Variants in ANKFN1 observed in about 807,000 individuals in gnomAD.
ANKFN1 encodes the protein ankyrin repeat and fibronectin type III domain containing 1.
ANKFN1 carries 74 observed loss-of-function variants against 108.7 expected under a neutral mutation model. The observed-to-expected ratio is 0.68, with a 90% CI of 0.56 to 0.83. The LOEUF is 0.83. Ranked by LOEUF, ANKFN1 falls within the 40% of genes least tolerant of loss-of-function variation. The pLI, the probability that ANKFN1 is intolerant of heterozygous loss-of-function variation, is 0.00. For missense variants in ANKFN1, 1,505 were observed against 1,382.3 expected, an observed-to-expected ratio of 1.09 and a Z score of -1.41; for synonymous variants, 547 against 516.2, an observed-to-expected ratio of 1.06 and a Z score of -0.81.
Position 56,514,822 on chromosome 17 carries a change from G to C in ANKFN1, c.*3553G>C, listed in dbSNP as rs1409921598. On this transcript the variant is annotated 3_prime_UTR_variant, in exon 21 of 21. Transcript: ENST00000682825. ...TACTCCCCTAAAGAAACCTTGTCCA[G>C]GAGCCACCTGGCAAACACCTACTGT... Among the ~76,000 whole-genome samples, 1 of 152,104 alleles carries C rather than the reference G, an allele frequency of 6.6e-6. No homozygotes were observed. The highest frequency in any genetic ancestry group is 1.5e-5 in the Non-Finnish European group (1 of 68,022).
chr17:56,509,172 C>T (rs942480277), intron 20 of ANKFN1, among the ~76,000 whole-genome samples: 4 of 152,294 alleles, frequency 2.6e-5, no homozygotes, highest in African/African-American at 7.2e-5. Context: ...TTTATTTAAC[C>T]GTACTCCTAT....
chr17:56,194,268 A>G (rs1241707266), intron 1 of ANKFN1, among the ~76,000 whole-genome samples: 2 of 152,218 alleles, frequency 1.3e-5, no homozygotes, highest in African/African-American at 4.8e-5. Context: ...CTTGGTATTT[A>G]TCCTAAGGAG....
At chr17:56,205,822 C>G (rs1331632424) in intron 1 of ANKFN1, among the ~76,000 whole-genome samples, 1 of 151,722 alleles carries the variant, frequency 6.6e-6, no homozygotes, top group African/African-American at 2.4e-5. Context: ...TATTGTGCAT[C>G]AAATCTACAC....
intron 4 of ANKFN1, among the ~76,000 whole-genome samples, chr17:56,050,795 C>A (rs544395550): frequency 6.6e-6 from 1 of 152,152 alleles, no homozygotes; most frequent in Admixed American, 6.6e-5. Context: ...AACACCTCTA[C>A]GCAAATAAAC....
chr17:56,074,891 C>T (rs923595611), intron 4 of ANKFN1, among the ~76,000 whole-genome samples: 1 of 152,220 alleles, frequency 6.6e-6, no homozygotes, highest in African/African-American at 2.4e-5. Context: ...GAGCCAGCCA[C>T]AAAGGCTGTT....
chr17:56,101,943 G>GA (rs1391646471), intron 4 of ANKFN1, among the ~76,000 whole-genome samples: 1 of 152,124 alleles, frequency 6.6e-6, no homozygotes, highest in Non-Finnish European at 1.5e-5. Flanking sequence ...TCACAGTAAT[G>GA]TTTGAGAAGC....
At chr17:56,371,334 G>C (rs1220267554) in intron 6 of ANKFN1, among the ~76,000 whole-genome samples, 1 of 152,144 alleles carries the variant, frequency 6.6e-6, no homozygotes, top group East Asian at 1.9e-4. Context: ...AATAAATTTA[G>C]ACCGATGGTG....
intron 4 of ANKFN1, among the ~76,000 whole-genome samples, chr17:56,079,887 A>T (rs2143161135): frequency 6.6e-6 from 1 of 152,326 alleles, no homozygotes; most frequent in East Asian, 1.9e-4. Flanking sequence ...TACTCTCAAT[A>T]GGCTAAAAGA....
chr17:56,206,191 C>T (rs1914516866), intron 1 of ANKFN1, among the ~76,000 whole-genome samples: 1 of 151,942 alleles, frequency 6.6e-6, no homozygotes, highest in South Asian at 2.1e-4. Context: ...AGTGTATTTC[C>T]ATTTATAGTT....
intron 4 of ANKFN1, among the ~76,000 whole-genome samples, chr17:56,146,549 C>A (rs1908271709): frequency 6.6e-6 from 1 of 152,218 alleles, no homozygotes; most frequent in African/African-American, 2.4e-5. Flanking sequence ...GACTTTTATG[C>A]ACCCACAAAC....
At chr17:56,162,163 C>G (rs1267283281) in intron 1 of ANKFN1, among the ~76,000 whole-genome samples, 1 of 152,056 alleles carries the variant, frequency 6.6e-6, no homozygotes, top group Non-Finnish European at 1.5e-5. Context: ...GTAGTTCTCC[C>G]CTACCTAAAA....
At chr17:56,337,335 C>G (rs184113835) in intron 4 of ANKFN1, among the ~76,000 whole-genome samples, 8 of 152,120 alleles carry the variant, frequency 5.3e-5, no homozygotes, top group African/African-American at 1.7e-4. Context: ...AGTCTCCCAT[C>G]ATTATTGTGT....
At chr17:56,412,460 G>A (rs569751580) in intron 8 of ANKFN1, among the ~76,000 whole-genome samples, 1 of 152,310 alleles carries the variant, frequency 6.6e-6, no homozygotes, top group South Asian at 2.1e-4. Flanking sequence ...ATTTGAGTCA[G>A]TGGACTGGGA....
intron 1 of ANKFN1, among the ~76,000 whole-genome samples, chr17:56,204,903 G>C (rs1213580920): frequency 6.6e-6 from 1 of 151,884 alleles, no homozygotes; most frequent in Non-Finnish European, 1.5e-5. Context: ...GTGAAACCCC[G>C]TCTCTACTAA....
chr17:56,407,547 A>C (rs2144971139), intron 8 of ANKFN1, among the ~76,000 whole-genome samples: 1 of 152,310 alleles, frequency 6.6e-6, no homozygotes, highest in East Asian at 1.9e-4. Context: ...ATACACATTC[A>C]GGCTTTTATT....
intron 11 of ANKFN1, among the ~76,000 whole-genome samples, chr17:56,453,290 G>A (rs924163276): frequency 6.6e-6 from 1 of 151,700 alleles, no homozygotes; most frequent in African/African-American, 2.4e-5. Context: ...AGTAAGATCA[G>A]TATTTACTGT....
At chr17:56,065,396 T>C (rs1905043980) in intron 4 of ANKFN1, among the ~76,000 whole-genome samples, 1 of 152,132 alleles carries the variant, frequency 6.6e-6, no homozygotes, top group Admixed American at 6.5e-5. Context: ...CTCATAGGAG[T>C]AACACTTTTT....
intron 8 of ANKFN1, among the ~76,000 whole-genome samples, chr17:56,407,679 C>T (rs746476521): frequency 2.6e-5 from 4 of 152,008 alleles, no homozygotes; most frequent in Admixed American, 6.6e-5. Flanking sequence ...TACCATAGGA[C>T]TAAAAATCAA....
chr17:56,467,215 T>C (rs2050105254), intron 15 of ANKFN1, among the ~76,000 whole-genome samples: 1 of 151,562 alleles, frequency 6.6e-6, no homozygotes, highest in African/African-American at 2.4e-5. Context: ...CTGAATGAAC[T>C]GTAATGACAA....
Sources: gnomAD v4.1 joint callset for allele counts (sites outside exome capture counted in the v4.1 genomes callset) on GRCh38, gnomAD v4.1.1 for gene constraint, MANE v1.5 for transcripts, NCBI Gene and HGNC (gene_info 2026-07-23, HGNC 2026-07-21) for gene names.